The following MAST3 variants were observed in gnomAD, a reference collection of about 807,000 sequenced individuals.
MAST3 encodes the protein microtubule associated serine/threonine kinase 3, also known as microtubule-associated serine/threonine-protein kinase 3.
A neutral mutation model predicts 127.0 loss-of-function variants in MAST3; 43 were observed. The ratio of observed to expected loss-of-function variants is 0.34; its 90% confidence interval spans 0.27 to 0.44. The LOEUF is 0.44. Among genes scored for constraint, MAST3 ranks in the 20% least tolerant of loss-of-function variants. The pLI, the probability that MAST3 is intolerant of heterozygous loss-of-function variation, is 1.00. For synonymous variants in MAST3, 785 were observed against 809.2 expected, an observed-to-expected ratio of 0.97 and a Z score of 0.51; for missense variants, 1,390 against 1,919.1, an observed-to-expected ratio of 0.72 and a Z score of 5.15.
intron 3 of MAST3, among the ~76,000 whole-genome samples, chr19:18,113,998 C>A (rs779864045): frequency 6.6e-6 from 1 of 152,210 alleles, no homozygotes; most frequent in Admixed American, 6.5e-5. Flanking sequence ...AGCCTCAGGG[C>A]CTTTGCACTT....
In MAST3 at chr19:18,110,074, C is replaced by T; in HGVS notation, c.72-578C>T. 2 of 985,296 alleles carry T rather than the reference C, an allele frequency of 2.0e-6. No individual in the cohort carries two copies. Among genetic ancestry groups the T allele is most frequent in the South Asian group, 4.7e-5 (1 of 21,292 alleles). The allele number at this position is 985,296 out of a possible 1,614,324, so 61.0% of individuals were successfully genotyped here. On this transcript the variant is annotated intron_variant, in intron 2 of 27. Transcript: ENST00000687212. The surrounding 1 kb of genome is among the most constrained non-coding windows in gnomAD (Gnocchi z 4.3). ...GGCGGCACCCGCGGCTCCCCTTTCC[C>T]GCTGCGCGACCCTCGCTGCCGGGCC... is the stretch of plus-strand genomic sequence containing the variant.
intron 3 of MAST3, among the ~76,000 whole-genome samples, chr19:18,111,168 C>T (rs564950146): frequency 3.3e-5 from 5 of 152,148 alleles, no homozygotes; most frequent in Admixed American, 6.5e-5. Context: ...ACCAAAGTGG[C>T]GCCGGGAGAA....
intron 11 of MAST3, among the ~76,000 whole-genome samples, chr19:18,126,747 T>A (rs273490): frequency 6.6e-6 from 1 of 151,908 alleles, no homozygotes. Flanking sequence ...CCAGCCTGGG[T>A]GACATAGCAA....
At chr19:18,125,603 T>G (rs1455053744) in intron 11 of MAST3, among the ~76,000 whole-genome samples, 1 of 151,906 alleles carries the variant, frequency 6.6e-6, no homozygotes, top group East Asian at 1.9e-4. Context: ...TAGCCGGGTG[T>G]GGTGGCGTGT....
Position 18,141,977 on chromosome 19 carries a change from C to A in MAST3, c.2301C>A (p.Ser767Arg). 6.5e-7 allele frequency: 1 copy of A among 1,541,536 alleles called. No individual in the cohort carries two copies. Among genetic ancestry groups the A allele is most frequent in the Admixed American group, 1.8e-5 (1 of 54,200 alleles). The stretch of plus-strand genomic sequence containing the variant: ...ACCGGGAGGAGGGGTGGGAGCGCAG[C>A]GAAGTGGACTATGGCCGCCGGCTGA... ...SEDREEGWER[S>R]EVDYGRRLSA... The change falls in exon 21 of 28, where the codon AGC (serine) becomes AGA (arginine). Residue 767 changes from serine to arginine, a missense_variant. This residue lies in a region of MAST3 where 816 missense variants were observed against 934.1 expected (regional missense o/e 0.87). Transcript: ENST00000687212.
At chr19:18,133,549 ATTTT>A (rs3048882) in intron 15 of MAST3, among the ~76,000 whole-genome samples, 2 of 91,844 alleles carry the variant, frequency 2.2e-5, no homozygotes, top group Non-Finnish European at 2.0e-5. Context: ...CGCCCAGCTA[ATTTT>A]TTTTTTTTTT....
rs775141064 is a variant in MAST3, at chr19:18,130,516, C to T, written c.1246C>T (p.Arg416Cys). The change falls in exon 14 of 28, where the codon CGT becomes TGT. Residue 416 changes from arginine to cysteine, a missense_variant. Transcript: ENST00000687212. ...AYGAVYLVRH[R>C]DTRQRFAIKK... ...CAGGGCCGTCTACCTGGTGCGGCAC[C>T]GTGACACACGGCAGCGCTTTGCCAT... 63 of 1,606,496 alleles carry T rather than the reference C, an allele frequency of 3.9e-5. No individual in the cohort carries two copies. The Admixed American group carries it at 5.6e-4, about 14-fold the overall frequency.
intron 1 of MAST3, among the ~76,000 whole-genome samples, chr19:18,104,047 A>G (rs1215062760): frequency 6.6e-6 from 1 of 151,968 alleles, no homozygotes; most frequent in Non-Finnish European, 1.5e-5. Flanking sequence ...CCTCATCTCT[A>G]TAAAAAATAC....
chr19:18,135,853 G>A lies in MAST3; in HGVS notation c.1972+12G>A. On this transcript the variant is annotated intron_variant, in intron 18 of 27. Transcript: ENST00000687212. ...CCGTCTGGGCACTGGTATGTAGTGT[G>A]GGGGAGAACCCAGGTGGGTGGCTCC... 1.3e-6 allele frequency: 2 copies of A among 1,587,470 alleles called. No individual in the cohort carries two copies. Among genetic ancestry groups the A allele is most frequent in the Non-Finnish European group, 1.7e-6 (2 of 1,163,994 alleles).
intron 2 of MAST3, chr19:18,109,914 G>A (rs2038388117): frequency 2.0e-6 from 2 of 983,170 alleles, no homozygotes; most frequent in Non-Finnish European, 2.4e-6. Flanking sequence ...GGCAGAGGCC[G>A]GGCCGGGGCG....
chr19:18,107,461 T>G, intron 1 of MAST3, 126 bp from the exon 2 acceptor site: 1 of 964,922 alleles, frequency 1.0e-6, no homozygotes, highest in South Asian at 1.3e-5. Context: ...TGAGCCAGTG[T>G]GTAGAGTGAG....
rs2038535792 is a variant in MAST3, at chr19:18,110,963, G to A, written c.161+222G>A. On this transcript the variant is annotated intron_variant, in intron 3 of 27. Transcript: ENST00000687212. This position sits in a 1 kb window ranked among gnomAD's most constrained non-coding sequence, Gnocchi z 4.3. ...GGCCAGCATCTGACAGGTGGCCAAG[G>A]AAAGGGAAGAACTTAAGCTGTTGCC... Among the ~76,000 whole-genome samples the A allele has an allele frequency of 6.6e-6, 1 of 152,146 alleles. No individual in the cohort carries two copies. The highest frequency in any genetic ancestry group is 6.5e-5 in the Admixed American group (1 of 15,272).
At chr19:18,134,345 A>C (rs2041668993) in intron 15 of MAST3, among the ~76,000 whole-genome samples, 1 of 152,238 alleles carries the variant, frequency 6.6e-6, no homozygotes, top group South Asian at 2.1e-4. Flanking sequence ...CAGCAATTCA[A>C]GACCAGCCTG....
intron 3 of MAST3, among the ~76,000 whole-genome samples, chr19:18,118,954 G>A (rs1166598831): frequency 6.6e-6 from 1 of 152,294 alleles, no homozygotes; most frequent in East Asian, 1.9e-4. Flanking sequence ...TTACCTCCAA[G>A]ATCGTGGGGA....
At chr19:18,138,061 T>A (rs1010136221) in intron 19 of MAST3, among the ~76,000 whole-genome samples, 3 of 151,766 alleles carry the variant, frequency 2.0e-5, no homozygotes, top group African/African-American at 7.3e-5. Context: ...ATACAAAAAA[T>A]TAGGCAGGCA....
chr19:18,128,778 A>T, intron 12 of MAST3, 88 bp from the exon 13 acceptor site: 1 of 1,026,210 alleles, frequency 9.7e-7, no homozygotes, highest in Non-Finnish European at 1.5e-6. Context: ...AGCATCGGGC[A>T]CCAGGACCAG....
chr19:18,104,259 G>A (rs75649504), intron 1 of MAST3, among the ~76,000 whole-genome samples: 4,138 of 148,068 alleles, frequency 0.028, 202 homozygotes, highest in African/African-American at 0.099. Flanking sequence ...AGACCCTAAT[G>A]GCCACGGTGA....
At chr19:18,120,576 G>A (rs149579484) in intron 3 of MAST3, among the ~76,000 whole-genome samples, 18 of 152,242 alleles carry the variant, frequency 1.2e-4, no homozygotes, top group Non-Finnish European at 2.5e-4. Flanking sequence ...CACTCGTGTC[G>A]CCCAGGCTGG....
At chr19:18,107,122 G>A (rs1386540910) in intron 1 of MAST3, among the ~76,000 whole-genome samples, 1 of 151,644 alleles carries the variant, frequency 6.6e-6, no homozygotes, top group East Asian at 1.9e-4. Flanking sequence ...GGCCTACTCT[G>A]GCTAATTTTT....
Sources: allele counts gnomAD v4.1 joint callset (sites outside exome capture counted in the v4.1 genomes callset), GRCh38; gene constraint gnomAD v4.1.1; regional missense constraint gnomAD v4.1.1; non-coding constraint Gnocchi (gnomAD v3.1); transcripts MANE v1.5; gene names NCBI Gene and HGNC (gene_info 2026-07-23, HGNC 2026-07-21).